LZTFL1: variants seen among roughly 807,000 people sequenced by gnomAD.
The protein encoded by LZTFL1 is leucine zipper transcription factor-like protein 1.
In LZTFL1, 25 loss-of-function variants were observed where a neutral mutation model predicts 45.9. The observed-to-expected ratio is 0.54, with a 90% CI of 0.40 to 0.76. The LOEUF is 0.76. Among genes scored for constraint, LZTFL1 ranks in the 30% least tolerant of loss-of-function variants. The probability of loss-of-function intolerance (pLI) is 0.00; values close to 1 mark genes in which losing one functional copy is unlikely to be tolerated. For synonymous variants in LZTFL1, 93 were observed against 117.4 expected (o/e 0.79, Z 1.35); for missense variants, 277 against 331.1 (o/e 0.84, Z 1.27).
At chr3:45,864,991 T>C (rs1410715961) in intron 2 of LZTFL1, among the ~76,000 whole-genome samples, 1 of 152,176 alleles carries the variant, frequency 6.6e-6, no homozygotes, top group Non-Finnish European at 1.5e-5. Context: ...GGAAAGGCAA[T>C]TCTGCTCTGA....
chr3:45,908,400 G>A (rs995412661), intron 2 of LZTFL1, among the ~76,000 whole-genome samples: 1 of 152,206 alleles, frequency 6.6e-6, no homozygotes, highest in Non-Finnish European at 1.5e-5. Context: ...GCTAAGCACT[G>A]GGCAAGGTGG....
At chr3:45,881,979 T>C (rs563673916) in intron 2 of LZTFL1, among the ~76,000 whole-genome samples, 1 of 152,368 alleles carries the variant, frequency 6.6e-6, no homozygotes, top group Non-Finnish European at 1.5e-5. Context: ...TCCAATTAAA[T>C]AACGATTTTA....
chr3:45,841,995 G>A lies in LZTFL1; in HGVS notation c.-4C>T, dbSNP rs769734754. ...CTGAGGGTCGGTTACTCACCATGGC[G>A]GCAGGCAGCGGCGGCAGCCTAAAGG... On this transcript the variant is annotated 5_prime_UTR_variant, in exon 1 of 10. Coordinates refer to ENST00000296135, the MANE Select transcript of LZTFL1 (RefSeq NM_020347.4). The A allele has an allele frequency of 6.2e-7, 1 of 1,610,666 alleles. No homozygotes were observed. The highest frequency in any genetic ancestry group is 8.5e-7 in the Non-Finnish European group (1 of 1,179,380).
intron 3 of LZTFL1, among the ~76,000 whole-genome samples, chr3:45,856,775 C>T (rs1575272385): frequency 6.6e-6 from 1 of 152,120 alleles, no homozygotes; most frequent in South Asian, 2.1e-4. Flanking sequence ...GAAAAAAACT[C>T]AACATCACTG....
chr3:45,901,352 A>C lies in LZTFL1; in HGVS notation c.-215+11768T>G. On this transcript the variant is annotated intron_variant, in intron 2 of 4. Coordinates refer to the LZTFL1 transcript ENST00000472635. The surrounding 1 kb of genome is among the most constrained non-coding windows in gnomAD (Gnocchi z 4.3). ...GCATCCCAGAAATCTTATACAGCCAAATCAAGGAGGAATCCGGCATTGCTA... is the reference window on the plus strand; with the variant it reads ...GCATCCCAGAAATCTTATACAGCCACATCAAGGAGGAATCCGGCATTGCTA... The C allele has an allele frequency of 6.2e-7, 1 of 1,614,180 alleles. No individual in the cohort carries two copies. Among genetic ancestry groups the C allele is most frequent in the Non-Finnish European group, 8.5e-7 (1 of 1,180,018 alleles).
At position 45,901,774 on chromosome 3, in the gene LZTFL1, T is replaced by G; in HGVS notation, c.-215+11346A>C. On this transcript the variant is annotated intron_variant, in intron 2 of 4. Transcript: ENST00000472635. This position sits in a 1 kb window ranked among gnomAD's most constrained non-coding sequence, Gnocchi z 4.3. Reference sequence around the variant, plus strand: ...GGTGAGAGATTCCGCCGGGATCTCGTGAAAACCCTGAAGAACTTGGGTTGC... The same window carrying G: ...GGTGAGAGATTCCGCCGGGATCTCGGGAAAACCCTGAAGAACTTGGGTTGC... 3.7e-6 allele frequency: 6 copies of G among 1,614,190 alleles called. No individual in the cohort carries two copies. The highest frequency in any genetic ancestry group is 5.1e-6 in the Non-Finnish European group (6 of 1,180,028).
intron 2 of LZTFL1, among the ~76,000 whole-genome samples, chr3:45,888,647 T>C (rs1277129895): frequency 6.6e-6 from 1 of 152,186 alleles, no homozygotes; most frequent in Non-Finnish European, 1.5e-5. Context: ...GACAGACCGC[T>C]GAGATGGTCC....
chr3:45,892,053 C>G (rs1218563558), intron 2 of LZTFL1, among the ~76,000 whole-genome samples: 1 of 152,028 alleles, frequency 6.6e-6, no homozygotes, highest in Non-Finnish European at 1.5e-5. Flanking sequence ...TCCAAGGAGC[C>G]CTGGCTGTTT....
chr3:45,846,463 C>T (rs748193888), upstream of LZTFL1, among the ~76,000 whole-genome samples: 5 of 152,168 alleles, frequency 3.3e-5, no homozygotes, highest in African/African-American at 7.2e-5. Flanking sequence ...GTGCTGACCC[C>T]ATGCACAGTC....
chr3:45,888,409 C>T (rs1702048685), intron 2 of LZTFL1, among the ~76,000 whole-genome samples: 3 of 152,192 alleles, frequency 2.0e-5, no homozygotes, highest in Admixed American at 1.3e-4. Flanking sequence ...TAGCACTTTC[C>T]CTTTGTTGTT....
chr3:45,835,490 C>A, intron 3 of LZTFL1, 100 bp downstream of exon 3: 8 of 1,167,708 alleles, frequency 6.9e-6, no homozygotes, highest in Non-Finnish European at 1.0e-5. Flanking sequence ...AATTTCCTCA[C>A]ACACTAGCCC....
intron 2 of LZTFL1, among the ~76,000 whole-genome samples, chr3:45,898,984 G>A (rs538872234): frequency 5.9e-5 from 9 of 152,128 alleles, no homozygotes; most frequent in Non-Finnish European, 1.2e-4. Flanking sequence ...TGACCAACAT[G>A]GTGAAATCCC....
intron 4 of LZTFL1, among the ~76,000 whole-genome samples, chr3:45,848,582 A>G (rs1012342264): frequency 2.0e-5 from 3 of 152,232 alleles, no homozygotes; most frequent in Admixed American, 1.3e-4. Flanking sequence ...CTGATACTTG[A>G]AACACTTGAG....
intron 3 of LZTFL1, chr3:45,855,078 G>A: frequency 6.7e-7 from 1 of 1,499,086 alleles, no homozygotes. Flanking sequence ...GCCTTCCCTA[G>A]AAAATGAGAG....
Position 45,831,042 on chromosome 3 carries a change from C to A in LZTFL1, c.522+31G>T, listed in dbSNP as rs760211518. On this transcript the variant is annotated intron_variant, in intron 6 of 9. Transcript: ENST00000296135. ...TTCAGTATTTAATCTGTAGGCAGTT[C>A]AATAATTGTGTCAAAACATTTCTCA... 8.1e-6 allele frequency: 13 copies of A among 1,603,752 alleles called. No homozygotes were observed. In the Admixed American group the frequency reaches 1.8e-4, roughly 23 times the overall value.
chr3:45,892,785 AAGTTGGCTACAACAGCACAAGGCACTCC>A (rs1340146053), intron 2 of LZTFL1, among the ~76,000 whole-genome samples: 6 of 152,148 alleles, frequency 3.9e-5, no homozygotes, highest in Non-Finnish European at 8.8e-5. Flanking sequence ...GTGATCTCTC[AAGTTGGCTACAACAGCACAAGGCACTCC>A]AGTGCACTTT....
chr3:45,866,579 CTCT>C (rs1180263615), intron 2 of LZTFL1, among the ~76,000 whole-genome samples: 1 of 152,148 alleles, frequency 6.6e-6, no homozygotes, highest in Non-Finnish European at 1.5e-5. Flanking sequence ...AGAGCCTACC[CTCT>C]TCATTTCATA....
chr3:45,832,840 C>G, intron 5 of LZTFL1: 2 of 443,776 alleles, frequency 4.5e-6, no homozygotes, highest in Non-Finnish European at 8.1e-6. Context: ...TTCACTTTAC[C>G]TTGAAAAGGT....
rs1333607672 is a variant in LZTFL1 at position 45,831,969 on chromosome 3, C to T, written c.457-831G>A. Among the ~76,000 whole-genome samples, 3 of 152,276 alleles carry T rather than the reference C, an allele frequency of 2.0e-5. No individual in the cohort carries two copies. In the Middle Eastern group the frequency reaches 0.01, roughly 518 times the overall value. ...TTACATTTTTGGCCGGGCACGGTGG[C>T]TCACACCTGTAATCCCAGCACTTTG... is the stretch of plus-strand genomic sequence containing the variant. On this transcript the variant is annotated intron_variant, in intron 5 of 9. Transcript: ENST00000296135.
Sources: allele counts gnomAD v4.1 joint callset (sites outside exome capture counted in the v4.1 genomes callset), GRCh38; gene constraint gnomAD v4.1.1; non-coding constraint Gnocchi (gnomAD v3.1); transcripts MANE v1.5; gene names NCBI Gene and HGNC (gene_info 2026-07-23, HGNC 2026-07-21).